Variants in ASPH observed in about 807,000 individuals in gnomAD.
ASPH encodes aspartyl/asparaginyl beta-hydroxylase.
ASPH carries 100 observed loss-of-function variants against 118.4 expected under a neutral mutation model. That is an observed-to-expected ratio of 0.84 (90% CI 0.72 to 1.00). The LOEUF (loss-of-function observed/expected upper bound fraction) is 1.00, where lower values mean the gene tolerates loss of function less well. Among genes scored for constraint, ASPH ranks in the 50% least tolerant of loss-of-function variants. The pLI is 0.00. For missense variants in ASPH, 920 were observed against 919.5 expected (o/e 1.00, Z -0.01); for synonymous variants, 315 against 325.6 (o/e 0.97, Z 0.35).
chr8:61,708,729 C>T (rs1837313057), intron 1 of ASPH, among the ~76,000 whole-genome samples: 1 of 152,050 alleles, frequency 6.6e-6, no homozygotes, highest in Admixed American at 6.5e-5. Flanking sequence ...TAAGACTGAT[C>T]CTTGGGGTCT....
At chr8:61,536,314 C>A (rs182189787) in intron 21 of ASPH, among the ~76,000 whole-genome samples, 1,847 of 152,274 alleles carry the variant, frequency 0.012, 15 homozygotes, top group Non-Finnish European at 0.016. Context: ...GCTGTGATTA[C>A]AGGCGTGAGC....
chr8:61,637,107 G>C (rs1190168432), intron 12 of ASPH, among the ~76,000 whole-genome samples: 1 of 152,078 alleles, frequency 6.6e-6, no homozygotes, highest in East Asian at 1.9e-4. Context: ...ACAATTAGCT[G>C]CTCCTAAATT....
intron 1 of ASPH, among the ~76,000 whole-genome samples, chr8:61,697,535 A>G (rs1238173045): frequency 2.0e-5 from 3 of 152,194 alleles, no homozygotes; most frequent in African/African-American, 7.2e-5. Flanking sequence ...GCCAGTCACA[A>G]GTAGTAGGTT....
chr8:61,688,895 C>T (rs1304125193), intron 1 of ASPH, among the ~76,000 whole-genome samples: 1 of 152,202 alleles, frequency 6.6e-6, no homozygotes, highest in African/African-American at 2.4e-5. Context: ...GACCCATTCT[C>T]ACCAATTATT....
At chr8:61,637,122 G>C (rs977046788) in intron 12 of ASPH, among the ~76,000 whole-genome samples, 1 of 152,076 alleles carries the variant, frequency 6.6e-6, no homozygotes, top group African/African-American at 2.4e-5. Flanking sequence ...TAAATTTTAA[G>C]AGTAATTGTA....
At chr8:61,694,404 C>T (rs968935845) in intron 1 of ASPH, among the ~76,000 whole-genome samples, 4 of 152,166 alleles carry the variant, frequency 2.6e-5, no homozygotes, top group African/African-American at 9.7e-5. Context: ...TTTCTAACCT[C>T]CCACTCACTC....
At chr8:61,632,874 T>G (rs1441933582) in intron 13 of ASPH, among the ~76,000 whole-genome samples, 1 of 152,184 alleles carries the variant, frequency 6.6e-6, no homozygotes, top group Non-Finnish European at 1.5e-5. Context: ...GCTACAAAAT[T>G]CATGTTAAAA....
chr8:61,614,613 G>A (rs941627244), intron 14 of ASPH, among the ~76,000 whole-genome samples: 3 of 152,066 alleles, frequency 2.0e-5, no homozygotes, highest in Non-Finnish European at 2.9e-5. Flanking sequence ...GACTACAGGC[G>A]CATGCTACCA....
At chr8:61,553,669 T>G (rs1826829584) in intron 19 of ASPH, among the ~76,000 whole-genome samples, 8 of 152,200 alleles carry the variant, frequency 5.3e-5, no homozygotes. Flanking sequence ...ATGTAATTTT[T>G]ATTAAACAAA....
chr8:61,665,272 ATTT>A (rs764759327), intron 3 of ASPH: 1 of 1,601,184 alleles, frequency 6.2e-7, no homozygotes, highest in South Asian at 1.1e-5. Context: ...TTTTCTGGGT[ATTT>A]CCCTTTGTTA....
In ASPH at chr8:61,667,865, C is replaced by G. The variant is rs369779110; in HGVS notation, c.322+13103G>C. Among the ~76,000 whole-genome samples, 45 of 151,886 alleles carry G rather than the reference C, an allele frequency of 3.0e-4. No individual in the cohort carries two copies. In the East Asian group the frequency reaches 3.9e-3, roughly 13 times the overall value. On this transcript the variant is annotated intron_variant, in intron 3 of 24. Coordinates refer to ENST00000379454, the MANE Select transcript of ASPH (RefSeq NM_004318.4). ...ATTACTGAAGACTTCATCTTTTTTT[C>G]CCAAAAGTAATTCAAAAAAATCAAA...
At chr8:61,563,093 G>A (rs932849877) in intron 17 of ASPH, among the ~76,000 whole-genome samples, 1 of 151,734 alleles carries the variant, frequency 6.6e-6, no homozygotes, top group South Asian at 2.1e-4. Context: ...ATATGGTATT[G>A]ATTATAAACA....
chr8:61,639,757 C>T (rs1350254687), intron 10 of ASPH, among the ~76,000 whole-genome samples: 3 of 152,140 alleles, frequency 2.0e-5, no homozygotes, highest in Non-Finnish European at 2.9e-5. Flanking sequence ...TTGATCTCTC[C>T]TCTCAGATGC....
intron 22 of ASPH, among the ~76,000 whole-genome samples, chr8:61,522,875 C>T (rs1813641060): frequency 1.3e-5 from 2 of 152,166 alleles, no homozygotes; most frequent in African/African-American, 4.8e-5. Flanking sequence ...AGGGCCTCAT[C>T]CTTATGACCT....
intron 1 of ASPH, among the ~76,000 whole-genome samples, chr8:61,687,008 T>C (rs1218877553): frequency 6.6e-6 from 1 of 152,114 alleles, no homozygotes. Context: ...CAAGATGATA[T>C]TATTTAAAAT....
At chr8:61,713,059 G>A (rs948990682) in intron 1 of ASPH, among the ~76,000 whole-genome samples, 2 of 152,144 alleles carry the variant, frequency 1.3e-5, no homozygotes, top group African/African-American at 4.8e-5. Flanking sequence ...AAGTGAAAAA[G>A]GAACACAAAC....
chr8:61,714,221 C>A (rs1343796663), intron 1 of ASPH, 48 bp downstream of exon 1: 1 of 1,415,178 alleles, frequency 7.1e-7, no homozygotes. Flanking sequence ...CAGCCGGCTC[C>A]CTACCCCGAG....
At chr8:61,521,140 T>C (rs566777665) in intron 22 of ASPH, among the ~76,000 whole-genome samples, 11 of 152,250 alleles carry the variant, frequency 7.2e-5, no homozygotes, top group African/African-American at 2.4e-4. Context: ...CTACAACATG[T>C]CATAAGAAGG....
In ASPH at chr8:61,608,052, C is replaced by A. The variant is rs567069254; in HGVS notation, c.976+10926G>T. ...AGAGGCAGTTGCTGTCTTTCCCAGGCAACATATTTGCAGCACTGGGAAAGG... is the reference window on the plus strand; with the variant it reads ...AGAGGCAGTTGCTGTCTTTCCCAGGAAACATATTTGCAGCACTGGGAAAGG... On this transcript the variant is annotated intron_variant, in intron 14 of 24. Transcript: ENST00000379454. Among the ~76,000 whole-genome samples the A allele has an allele frequency of 3.3e-4, 51 of 152,240 alleles. No homozygotes were observed. In the South Asian group the frequency reaches 9.5e-3, roughly 28 times the overall value.
Sources: gnomAD v4.1 joint callset for allele counts (sites outside exome capture counted in the v4.1 genomes callset) on GRCh38, gnomAD v4.1.1 for gene constraint, MANE v1.5 for transcripts, NCBI Gene and HGNC (gene_info 2026-07-23, HGNC 2026-07-21) for gene names.